The following RIMS2 variants were observed in gnomAD, a reference collection of about 807,000 sequenced individuals.
RIMS2 encodes the protein regulating synaptic membrane exocytosis 2.
RIMS2 carries 59 observed loss-of-function variants against 174.4 expected under a neutral mutation model. The ratio of observed to expected loss-of-function variants is 0.34; its 90% CI spans 0.27 to 0.42. The LOEUF (loss-of-function observed/expected upper bound fraction) is 0.42, where lower values mean the gene tolerates loss of function less well. Ranked by LOEUF, RIMS2 falls within the 10% of genes least tolerant of loss-of-function variation. The pLI, the probability that RIMS2 is intolerant of heterozygous loss-of-function variation, is 1.00. For synonymous variants in RIMS2, 606 were observed against 572.5 expected (o/e 1.06, Z -0.84); for missense variants, 1,620 against 1,666.3 (o/e 0.97, Z 0.48).
intron 19 of RIMS2, among the ~76,000 whole-genome samples, chr8:104,016,947 C>A (rs898945420): frequency 1.3e-5 from 2 of 151,876 alleles, no homozygotes; most frequent in African/African-American, 4.8e-5. Flanking sequence ...CCTTTAAAGT[C>A]CCCAATTGTG....
intron 1 of RIMS2, among the ~76,000 whole-genome samples, chr8:103,620,212 T>A (rs1019633406): frequency 6.6e-6 from 1 of 152,192 alleles, no homozygotes; most frequent in African/African-American, 2.4e-5. Context: ...GTTGTATACA[T>A]GGCAACTTTT....
At chr8:103,715,964 T>C (rs2097363736) in intron 2 of RIMS2, among the ~76,000 whole-genome samples, 1 of 152,136 alleles carries the variant, frequency 6.6e-6, no homozygotes, top group African/African-American at 2.4e-5. Flanking sequence ...GAGCTCAGTG[T>C]TTAACTGATT....
chr8:103,911,770 T>C (rs1269899843), intron 5 of RIMS2, among the ~76,000 whole-genome samples: 1 of 152,172 alleles, frequency 6.6e-6, no homozygotes, highest in African/African-American at 2.4e-5. Flanking sequence ...ATTTCTCAGA[T>C]TTTGTAGAGC....
intron 3 of RIMS2, among the ~76,000 whole-genome samples, chr8:103,806,986 C>T (rs895133157): frequency 2.0e-5 from 3 of 151,968 alleles, no homozygotes; most frequent in Non-Finnish European, 4.4e-5. Flanking sequence ...TTTTGACTTC[C>T]GTTTGGGGAT....
chr8:104,083,804 A>T (rs1442703708), intron 19 of RIMS2, among the ~76,000 whole-genome samples: 1 of 152,132 alleles, frequency 6.6e-6, no homozygotes, highest in African/African-American at 2.4e-5. Context: ...AGACTTTGAA[A>T]CACTTCTTGA....
At chr8:104,165,837 C>CA (rs2098793528) in intron 19 of RIMS2, among the ~76,000 whole-genome samples, 1 of 152,024 alleles carries the variant, frequency 6.6e-6, no homozygotes, top group East Asian at 1.9e-4. Flanking sequence ...AATATCCATT[C>CA]AATTATGATT....
intron 19 of RIMS2, among the ~76,000 whole-genome samples, chr8:104,056,509 T>G (rs1009888179): frequency 1.3e-5 from 2 of 152,188 alleles, no homozygotes; most frequent in African/African-American, 4.8e-5. Flanking sequence ...GTGACATGTT[T>G]GTAGGTACAG....
chr8:103,806,406 A>G (rs1287883527), intron 3 of RIMS2, among the ~76,000 whole-genome samples: 1 of 152,104 alleles, frequency 6.6e-6, no homozygotes, highest in Admixed American at 6.6e-5. Context: ...TGAATGACAG[A>G]TACAGTAGTA....
chr8:103,501,838 G>A (rs1459781234), intron 1 of RIMS2, among the ~76,000 whole-genome samples: 1 of 152,184 alleles, frequency 6.6e-6, no homozygotes, highest in African/African-American at 2.4e-5. Context: ...TTGGCAGGCC[G>A]GGTTTTTCTG....
intron 19 of RIMS2, among the ~76,000 whole-genome samples, chr8:104,213,444 T>C (rs1168839322): frequency 1.3e-5 from 2 of 152,228 alleles, no homozygotes; most frequent in African/African-American, 4.8e-5. Flanking sequence ...TGATTATTTG[T>C]TAACATCTGT....
intron 1 of RIMS2, among the ~76,000 whole-genome samples, chr8:103,571,881 C>T (rs1373064778): frequency 2.0e-5 from 3 of 152,134 alleles, no homozygotes; most frequent in African/African-American, 7.2e-5. Flanking sequence ...CACACAGCTT[C>T]CATATTTAGG....
chr8:103,936,808 A>G, intron 13 of RIMS2, 86 bp downstream of exon 15: 1 of 1,082,042 alleles, frequency 9.2e-7, no homozygotes, highest in Non-Finnish European at 1.3e-6. Flanking sequence ...TTTCATTTGT[A>G]GAATAGGCCA....
chr8:104,013,352 T>TA, intron 17 of RIMS2, 90 bp from the exon 20 acceptor site: 1 of 1,026,514 alleles, frequency 9.7e-7, no homozygotes, highest in Non-Finnish European at 1.4e-6. Flanking sequence ...TTTAAACAAT[T>TA]ACCTTTTTCA....
Position 103,851,516 on chromosome 8 carries a change from G to A in RIMS2, c.699-33782G>A, listed in dbSNP as rs182683235. ...TGAGATTTCAAATATATGACTAAGA[G>A]TAGAGTATATTTTCTTCCTTGTCTT... On this transcript the variant is annotated intron_variant, in intron 3 of 23. Transcript: ENST00000504942. Among the ~76,000 whole-genome samples the A allele has an allele frequency of 4.2e-3, 632 of 151,774 alleles. 19 individuals are homozygous for A. The highest frequency in any genetic ancestry group is 1.6e-3 in the Non-Finnish European group (110 of 67,840).
At chr8:104,034,879 A>T (rs2096483440) in intron 19 of RIMS2, among the ~76,000 whole-genome samples, 1 of 152,144 alleles carries the variant, frequency 6.6e-6, no homozygotes, top group Non-Finnish European at 1.5e-5. Flanking sequence ...CTTTCCTTAT[A>T]GTAATTAGAA....
intron 19 of RIMS2, among the ~76,000 whole-genome samples, chr8:104,150,176 A>T (rs2134042589): frequency 6.6e-6 from 1 of 152,238 alleles, no homozygotes; most frequent in East Asian, 1.9e-4. Flanking sequence ...ACATCTGTCA[A>T]TCTAAAACTT....
At chr8:104,182,951 T>C (rs1431564966) in intron 19 of RIMS2, among the ~76,000 whole-genome samples, 1 of 151,778 alleles carries the variant, frequency 6.6e-6, no homozygotes, top group Non-Finnish European at 1.5e-5. Context: ...CAGCTGCAGC[T>C]ATTCCAGTGA....
chr8:103,830,865 G>A (rs1458259749), intron 3 of RIMS2, among the ~76,000 whole-genome samples: 1 of 152,224 alleles, frequency 6.6e-6, no homozygotes, highest in African/African-American at 2.4e-5. Context: ...CTGCAGTGCA[G>A]TAGTGCAGCC....
exon 20 of RIMS2, chr8:104,245,000 G>A (rs1158088269): frequency 2.5e-6 from 4 of 1,613,896 alleles, no homozygotes; most frequent in South Asian, 2.2e-5. Flanking sequence ...TGGATGACTC[G>A]ACAGGCAAGC....
Sources: gnomAD v4.1 joint callset for allele counts (sites outside exome capture counted in the v4.1 genomes callset) on GRCh38, gnomAD v4.1.1 for gene constraint, MANE v1.5 for transcripts, NCBI Gene and HGNC (gene_info 2026-07-23, HGNC 2026-07-21) for gene names.